Variants in CACNA1C observed in about 807,000 individuals in gnomAD.
CACNA1C encodes the protein voltage-dependent L-type calcium channel subunit alpha-1C.
A neutral mutation model predicts 229.0 loss-of-function variants in CACNA1C; 30 were observed. The observed-to-expected ratio is 0.13, with a 90% CI of 0.10 to 0.18. CACNA1C has a LOEUF of 0.18. CACNA1C is among the 10% of genes least tolerant of loss of function. CACNA1C has a pLI of 1.00. For synonymous variants in CACNA1C, 1,114 were observed against 1,132.5 expected (o/e 0.98, Z 0.33); for missense variants, 1,658 against 2,845.0 (o/e 0.58, Z 9.49).
At chr12:2,055,630 G>GAAGGGAGC (rs2054394233) in intron 1 of CACNA1C, among the ~76,000 whole-genome samples, 2 of 152,192 alleles carry the variant, frequency 1.3e-5, no homozygotes, top group Admixed American at 6.5e-5. Flanking sequence ...AGGTAGAGGG[G>GAAGGGAGC]AAGGGAGCAA....
intron 3 of CACNA1C, among the ~76,000 whole-genome samples, chr12:2,308,207 A>T (rs149121493): frequency 9.2e-5 from 14 of 152,254 alleles, no homozygotes; most frequent in Non-Finnish European, 1.6e-4. Context: ...TTGATTTTTA[A>T]TGTGGATAAC....
intron 3 of CACNA1C, among the ~76,000 whole-genome samples, chr12:2,186,845 G>C (rs1247083902): frequency 2.0e-5 from 3 of 152,176 alleles, no homozygotes; most frequent in Non-Finnish European, 4.4e-5. Flanking sequence ...GACTAAAAGA[G>C]CAGGGGCTCT....
At chr12:2,022,404 A>AGAC (rs2046613512) in intron 1 of CACNA1C, among the ~76,000 whole-genome samples, 1 of 151,404 alleles carries the variant, frequency 6.6e-6, no homozygotes, top group Non-Finnish European at 1.5e-5. Context: ...TTATTTAGAA[A>AGAC]TTTGGGGTTT....
intron 3 of CACNA1C, among the ~76,000 whole-genome samples, chr12:2,420,989 A>G (rs1266117124): frequency 6.6e-6 from 1 of 152,226 alleles, no homozygotes; most frequent in African/African-American, 2.4e-5. Context: ...CCTGTGAATT[A>G]AATTTTAAAA....
At chr12:2,232,236 T>TG (rs2065515624) in intron 3 of CACNA1C, among the ~76,000 whole-genome samples, 1 of 142,652 alleles carries the variant, frequency 7.0e-6, no homozygotes, top group Middle Eastern at 3.6e-3. Context: ...TGTTTTTTTT[T>TG]TTTTTTTTTT....
chr12:2,415,575 ATGAAAACAG>A (rs971626673), intron 3 of CACNA1C, among the ~76,000 whole-genome samples: 3 of 152,222 alleles, frequency 2.0e-5, no homozygotes, highest in African/African-American at 7.2e-5. Context: ...AGAAGAAGAA[ATGAAAACAG>A]TGACACACTC....
chr12:2,620,983 C>T (rs2082938912), intron 29 of CACNA1C, among the ~76,000 whole-genome samples: 2 of 152,222 alleles, frequency 1.3e-5, no homozygotes, highest in South Asian at 4.1e-4. Flanking sequence ...GAAATCTCTA[C>T]ACAGTCCTAC....
intron 6 of CACNA1C, among the ~76,000 whole-genome samples, chr12:2,491,707 T>A (rs2099735188): frequency 6.6e-6 from 1 of 152,086 alleles, no homozygotes; most frequent in South Asian, 2.1e-4. Context: ...ATCGGGCATA[T>A]ATTTTCAAGT....
chr12:2,016,151 G>A (rs1252972697), intron 1 of CACNA1C, among the ~76,000 whole-genome samples: 1 of 152,064 alleles, frequency 6.6e-6, no homozygotes, highest in Non-Finnish European at 1.5e-5. Context: ...TCTTAGTTCG[G>A]TGTCTCCTGG....
At chr12:2,233,704 T>C (rs1008716597) in intron 3 of CACNA1C, among the ~76,000 whole-genome samples, 8 of 152,222 alleles carry the variant, frequency 5.3e-5, no homozygotes, top group African/African-American at 1.7e-4. Context: ...GCTGAAGATA[T>C]ATACTTTGAC....
intron 46 of CACNA1C, 47 bp from the exon 47 acceptor site, chr12:2,690,853 G>A (rs2097775601): frequency 6.7e-7 from 1 of 1,482,296 alleles, no homozygotes; most frequent in Non-Finnish European, 9.0e-7. Flanking sequence ...TGGGCTCCAG[G>A]AGTAATGTTC....
chr12:2,125,069 G>A (rs897953496), intron 3 of CACNA1C, among the ~76,000 whole-genome samples: 2 of 152,102 alleles, frequency 1.3e-5, no homozygotes, highest in Admixed American at 6.5e-5. Flanking sequence ...GAACAGTGAC[G>A]TTTGCAGAGG....
chr12:2,290,099 T>C (rs972142639), intron 3 of CACNA1C, among the ~76,000 whole-genome samples: 2 of 152,212 alleles, frequency 1.3e-5, no homozygotes, highest in Non-Finnish European at 2.9e-5. Flanking sequence ...TCAGGGGAAG[T>C]TCCTGGGCAT....
chr12:1,991,067 T>C, intron 1 of CACNA1C: 1 of 455,700 alleles, frequency 2.2e-6, no homozygotes, highest in Non-Finnish European at 4.4e-6. Context: ...CTGATTCTAT[T>C]TCTTTTGTAT....
upstream of CACNA1C, chr12:2,048,758 G>C (rs777733899): frequency 6.6e-6 from 1 of 152,478 alleles, no homozygotes; most frequent in Middle Eastern, 3.4e-3. Context: ...GCTAGGCAGT[G>C]GGGGGAGGGC....
At chr12:2,489,823 T>C (rs1042765864) in intron 6 of CACNA1C, among the ~76,000 whole-genome samples, 1 of 152,244 alleles carries the variant, frequency 6.6e-6, no homozygotes, top group South Asian at 2.1e-4. Flanking sequence ...ATTTGGACTT[T>C]CCAGAATGAC....
At chr12:2,192,256 T>C (rs1044174137) in intron 3 of CACNA1C, among the ~76,000 whole-genome samples, 7 of 152,236 alleles carry the variant, frequency 4.6e-5, no homozygotes, top group Non-Finnish European at 7.3e-5. Flanking sequence ...CCAGGTTGGC[T>C]GCTGTGTCTT....
At chr12:2,164,806 C>G (rs764850352) in intron 3 of CACNA1C, among the ~76,000 whole-genome samples, 7 of 152,176 alleles carry the variant, frequency 4.6e-5, no homozygotes, top group Non-Finnish European at 1.0e-4. Context: ...TAATGCCAGT[C>G]TCACAAGGCA....
intron 13 of CACNA1C, among the ~76,000 whole-genome samples, chr12:2,577,195 G>C (rs917018807): frequency 6.6e-6 from 1 of 152,240 alleles, no homozygotes; most frequent in Non-Finnish European, 1.5e-5. Context: ...ATCTCTGTCT[G>C]TCTGTCTGTC....
Sources: gnomAD v4.1 joint callset for allele counts (sites outside exome capture counted in the v4.1 genomes callset) on GRCh38, gnomAD v4.1.1 for gene constraint, MANE v1.5 for transcripts, NCBI Gene and HGNC (gene_info 2026-07-23, HGNC 2026-07-21) for gene names.